Variants in DGKI observed in about 807,000 individuals in gnomAD.
DGKI encodes DAG kinase iota.
In DGKI, 55 loss-of-function variants were observed where a neutral mutation model predicts 147.5. The observed-to-expected ratio is 0.37, with a 90% confidence interval of 0.30 to 0.47. The LOEUF (loss-of-function observed/expected upper bound fraction) is 0.47, where lower values mean the gene tolerates loss of function less well. Among genes scored for constraint, DGKI ranks in the 20% least tolerant of loss-of-function variants. The pLI is 1.00. For synonymous variants in DGKI, 469 were observed against 477.1 expected, an observed-to-expected ratio of 0.98 and a Z score of 0.22; for missense variants, 1,007 against 1,323.8, an observed-to-expected ratio of 0.76 and a Z score of 3.71.
At chr7:137,520,348 T>G (rs1816919399) in intron 21 of DGKI, among the ~76,000 whole-genome samples, 1 of 152,120 alleles carries the variant, frequency 6.6e-6, no homozygotes, top group Non-Finnish European at 1.5e-5. Flanking sequence ...TCTTTATGAT[T>G]AGTAACCTTT....
chr7:137,706,249 T>C (rs1794019020), intron 1 of DGKI, among the ~76,000 whole-genome samples: 1 of 151,878 alleles, frequency 6.6e-6, no homozygotes, highest in East Asian at 1.9e-4. Flanking sequence ...TACCCAAAGA[T>C]ACAAACCACT....
chr7:137,524,849 T>C (rs1223849998), intron 20 of DGKI, among the ~76,000 whole-genome samples: 2 of 152,156 alleles, frequency 1.3e-5, no homozygotes, highest in African/African-American at 4.8e-5. Context: ...GATTGGGCAG[T>C]AGTTGCAAAT....
chr7:137,426,148 A>G (rs982042666), intron 28 of DGKI, among the ~76,000 whole-genome samples: 17 of 152,216 alleles, frequency 1.1e-4, no homozygotes, highest in African/African-American at 4.1e-4. Flanking sequence ...GCAGCCAGAG[A>G]GGCAGGTTGG....
intron 1 of DGKI, among the ~76,000 whole-genome samples, chr7:137,839,681 T>C (rs1339601067): frequency 2.0e-5 from 3 of 152,188 alleles, no homozygotes; most frequent in East Asian, 1.9e-4. Flanking sequence ...TCTCAAGTAA[T>C]TGAAAGTTAA....
intron 1 of DGKI, among the ~76,000 whole-genome samples, chr7:137,767,317 A>G (rs1036637505): frequency 7.4e-6 from 1 of 135,068 alleles, no homozygotes; most frequent in African/African-American, 2.8e-5. Flanking sequence ...GTCACAGGGG[A>G]AAAAAAACTC....
At chr7:137,733,981 T>C (rs1226967629) in intron 1 of DGKI, among the ~76,000 whole-genome samples, 1 of 152,094 alleles carries the variant, frequency 6.6e-6, no homozygotes, top group African/African-American at 2.4e-5. Context: ...GAAACAAGTC[T>C]CTTCATTAAC....
chr7:137,845,625 G>T (rs138032417), intron 1 of DGKI, among the ~76,000 whole-genome samples: 2 of 152,278 alleles, frequency 1.3e-5, no homozygotes, highest in African/African-American at 4.8e-5. Flanking sequence ...GGGTGAGAGA[G>T]ACCTTAATAA....
intron 23 of DGKI, among the ~76,000 whole-genome samples, chr7:137,472,928 A>G (rs527313293): frequency 6.6e-6 from 1 of 152,256 alleles, no homozygotes; most frequent in East Asian, 1.9e-4. Context: ...AAATCAATGG[A>G]AAAAATACAG....
intron 1 of DGKI, among the ~76,000 whole-genome samples, chr7:137,781,379 G>A (rs1407817232): frequency 6.6e-6 from 1 of 152,200 alleles, no homozygotes; most frequent in Non-Finnish European, 1.5e-5. Context: ...ACTCCACAGA[G>A]AAGTAAACTT....
intron 1 of DGKI, among the ~76,000 whole-genome samples, chr7:137,697,305 T>C (rs1298140546): frequency 2.0e-5 from 3 of 152,194 alleles, no homozygotes; most frequent in African/African-American, 7.2e-5. Context: ...ATAATAATGC[T>C]ACCCTTTATA....
chr7:137,829,252 T>C lies in DGKI; in HGVS notation c.401+17210A>G, dbSNP rs184585214. ...CACCACTGTGGTGAGGAGAGGAACA[T>C]AGGACAGTAAGGATGATGCGGAACA... On this transcript the variant is annotated intron_variant, in intron 1 of 32. Transcript: ENST00000614521. Among the ~76,000 whole-genome samples the C allele has an allele frequency of 7.9e-5, 12 of 152,342 alleles. No homozygotes were observed. The East Asian group carries it at 2.1e-3, about 27-fold the overall frequency.
At position 137,770,695 on chromosome 7, in the gene DGKI, G is replaced by A. The variant is rs1038546625; in HGVS notation, c.401+75767C>T. 9.0e-5 allele frequency among the ~76,000 whole-genome samples: 9 copies of A among 100,078 alleles called. 1 individual carries two copies. The highest frequency in any genetic ancestry group is 4.1e-4 in the Admixed American group (5 of 12,152). 65.7% of individuals were successfully genotyped at this position (100,078 alleles called of 152,430 possible). A position where few individuals can be genotyped will look rare whatever the true frequency, so the allele number is the denominator to read the frequency against. On this transcript the variant is annotated intron_variant, in intron 1 of 32. Transcript: ENST00000614521. Reference sequence around the variant, plus strand: ...ACTACAGGCGCCCGCCACTACGCCCGGCTAATTTTTTGTATTTTTAGTAGA... The same window carrying A: ...ACTACAGGCGCCCGCCACTACGCCCAGCTAATTTTTTGTATTTTTAGTAGA...
intron 12 of DGKI, among the ~76,000 whole-genome samples, chr7:137,591,894 C>T (rs1448213186): frequency 6.6e-6 from 1 of 152,178 alleles, no homozygotes; most frequent in Non-Finnish European, 1.5e-5. Context: ...CAAATCAGCC[C>T]CACCTTCAGC....
chr7:137,452,097 T>C (rs555604584), intron 27 of DGKI, among the ~76,000 whole-genome samples: 14 of 152,356 alleles, frequency 9.2e-5, no homozygotes, highest in Non-Finnish European at 1.8e-4. Flanking sequence ...TCTATCTCTA[T>C]TCCGTGTCCC....
chr7:137,552,752 T>TCCAAA (rs777780004), intron 19 of DGKI, among the ~76,000 whole-genome samples, 184 bp from the exon 20 acceptor site: 14,225 of 120,870 alleles, frequency 0.12, 1,612 homozygotes, highest in African/African-American at 0.32. Flanking sequence ...CTACTAAAAA[T>TCCAAA]ACAAAAAAAA....
At chr7:137,578,422 A>G in intron 15 of DGKI, 97 bp from the exon 16 acceptor site, 2 of 839,440 alleles carry the variant, frequency 2.4e-6, no homozygotes, top group East Asian at 2.5e-5. Flanking sequence ...CTCCTATCCT[A>G]CAGATCCAAT....
At chr7:137,615,551 G>GTGTGTGTGTGTGTGTGTGTGTC in intron 8 of DGKI, among the ~76,000 whole-genome samples, 1 of 151,652 alleles carries the variant, frequency 6.6e-6, no homozygotes, top group Non-Finnish European at 1.5e-5. Context: ...GTGTGTGTGT[G>GTGTGTGTGTGTGTGTGTGTGTC]TGTGTGTGTG....
chr7:137,499,212 A>C (rs1236521468), intron 21 of DGKI, among the ~76,000 whole-genome samples: 1 of 152,204 alleles, frequency 6.6e-6, no homozygotes, highest in African/African-American at 2.4e-5. Flanking sequence ...CAACGAGTAA[A>C]GTAGTTATCC....
chr7:137,769,104 C>T (rs569017721), intron 1 of DGKI, among the ~76,000 whole-genome samples: 5 of 152,182 alleles, frequency 3.3e-5, no homozygotes, highest in African/African-American at 7.2e-5. Context: ...ATAGGGATTT[C>T]GCATTCTGAT....
Sources: allele counts gnomAD v4.1 joint callset (sites outside exome capture counted in the v4.1 genomes callset), GRCh38; gene constraint gnomAD v4.1.1; transcripts MANE v1.5; gene names NCBI Gene and HGNC (gene_info 2026-07-23, HGNC 2026-07-21).